The following DCPH1 variants were observed in gnomAD, a reference collection of about 807,000 sequenced individuals.
DCPH1 encodes damage control phosphatase 1.
chr6:151,465,527 C>T, the DCPH1 span, among the ~76,000 whole-genome samples: 1 of 151,950 alleles, frequency 6.6e-6, no homozygotes, highest in South Asian at 2.1e-4. Context: ...GCAAGGAAAC[C>T]CTGTAGTTAC....
At chr6:151,463,801 A>G in the DCPH1 span, among the ~76,000 whole-genome samples, 1 of 152,304 alleles carries the variant, frequency 6.6e-6, no homozygotes, top group Admixed American at 6.5e-5. Flanking sequence ...TAGTATTTAT[A>G]TCTCCTTAGT....
the DCPH1 span, chr6:151,469,364 A>G: frequency 2.2e-5 from 8 of 365,420 alleles, no homozygotes; most frequent in Non-Finnish European, 2.9e-5. Context: ...ACTTTTTTTC[A>G]GGTTAAATAT....
chr6:151,461,090 T>G, the DCPH1 span, among the ~76,000 whole-genome samples: 5 of 152,334 alleles, frequency 3.3e-5, no homozygotes, highest in East Asian at 1.9e-4. Context: ...AATAGTAGAT[T>G]TAGATGCCTG....
At chr6:151,452,633 C>T in the DCPH1 span, 8 of 1,582,036 alleles carry the variant, frequency 5.1e-6, no homozygotes, top group African/African-American at 4.1e-5. Flanking sequence ...AGCCGGGCCT[C>T]GCCGGGAGCC....
At chr6:151,453,149 C>G in the DCPH1 span, among the ~76,000 whole-genome samples, 2 of 152,180 alleles carry the variant, frequency 1.3e-5, no homozygotes, top group Admixed American at 1.3e-4. Context: ...AGAAAATAAA[C>G]CTGGGCAGAA....
At chr6:151,452,709 G>A in the DCPH1 span, 1 of 989,286 alleles carries the variant, frequency 1.0e-6, no homozygotes, top group Non-Finnish European at 1.5e-6. Flanking sequence ...CGCCGGGCGC[G>A]GCTTTCCGGG....
the DCPH1 span, chr6:151,469,058 G>C: frequency 6.2e-7 from 1 of 1,614,016 alleles, no homozygotes; most frequent in Non-Finnish European, 8.5e-7. Flanking sequence ...TCTGAGCCCA[G>C]CTGGTGGACC....
chr6:151,463,549 C>T, the DCPH1 span, among the ~76,000 whole-genome samples: 4 of 152,068 alleles, frequency 2.6e-5, no homozygotes, highest in South Asian at 2.1e-4. Context: ...GCAATGGCAG[C>T]GCCCTTGGAA....
At chr6:151,458,036 C>T in the DCPH1 span, among the ~76,000 whole-genome samples, 1 of 152,070 alleles carries the variant, frequency 6.6e-6, no homozygotes, top group Non-Finnish European at 1.5e-5. Context: ...TGTATGGAAG[C>T]ATGAAAGACA....
chr6:151,460,345 T>C, the DCPH1 span, among the ~76,000 whole-genome samples: 7 of 151,930 alleles, frequency 4.6e-5, no homozygotes, highest in Non-Finnish European at 8.8e-5. Flanking sequence ...TCAGGTGATC[T>C]GCCCTCCTCG....
At chr6:151,469,799 A>G in the DCPH1 span, 2 of 152,498 alleles carry the variant, frequency 1.3e-5, no homozygotes, top group South Asian at 2.1e-4. Flanking sequence ...AATATCTTTT[A>G]TATTCTATTT....
At chr6:151,467,930 T>G in the DCPH1 span, among the ~76,000 whole-genome samples, 1 of 152,304 alleles carries the variant, frequency 6.6e-6, no homozygotes, top group South Asian at 2.1e-4. Flanking sequence ...TGAAAGAAAC[T>G]GGACAGTTCT....
At chr6:151,463,632 T>C in the DCPH1 span, among the ~76,000 whole-genome samples, 3 of 151,768 alleles carry the variant, frequency 2.0e-5, no homozygotes, top group Non-Finnish European at 4.4e-5. Context: ...TAAATACTGG[T>C]ATGTTATTTA....
chr6:151,469,864 G>A, the DCPH1 span: 3 of 152,142 alleles, frequency 2.0e-5, no homozygotes, highest in East Asian at 5.8e-4. Context: ...TTAAATATCA[G>A]ATTTTTAGTT....
the DCPH1 span, among the ~76,000 whole-genome samples, chr6:151,461,182 A>G: frequency 1.3e-5 from 2 of 152,218 alleles, no homozygotes; most frequent in Admixed American, 6.5e-5. Context: ...CAAAGCTGCC[A>G]AAGTGTTGAA....
chr6:151,453,200 T>C, the DCPH1 span, among the ~76,000 whole-genome samples: 1 of 152,334 alleles, frequency 6.6e-6, no homozygotes, highest in African/African-American at 2.4e-5. Flanking sequence ...TGGCCCCAAA[T>C]TGAGGCAGTC....
the DCPH1 span, among the ~76,000 whole-genome samples, chr6:151,468,169 A>G: frequency 1.3e-5 from 2 of 152,244 alleles, no homozygotes; most frequent in East Asian, 1.9e-4. Context: ...TTAATACAGC[A>G]TCATGTGAAA....
the DCPH1 span, among the ~76,000 whole-genome samples, chr6:151,463,398 A>G: frequency 6.6e-6 from 1 of 152,244 alleles, no homozygotes; most frequent in Admixed American, 6.5e-5. Context: ...TTCTACTGAA[A>G]TCACTCCGAG....
the DCPH1 span, chr6:151,464,720 A>G: frequency 1.4e-6 from 1 of 730,784 alleles, no homozygotes; most frequent in South Asian, 2.7e-5. Flanking sequence ...GCTATAATTG[A>G]TGATTTTTTA....
Sources: allele counts gnomAD v4.1 joint callset (sites outside exome capture counted in the v4.1 genomes callset), GRCh38; gene constraint gnomAD v4.1.1; transcripts MANE v1.5; gene names NCBI Gene and HGNC (gene_info 2026-07-23, HGNC 2026-07-21).